GALNTL6: variants seen among roughly 807,000 people sequenced by gnomAD.
GALNTL6 encodes polypeptide N-acetylgalactosaminyltransferase like 6, also known as polypeptide N-acetylgalactosaminyltransferase-like 6.
A neutral mutation model predicts 73.7 loss-of-function variants in GALNTL6; 46 were observed. The ratio of observed to expected loss-of-function variants is 0.62; its 90% CI spans 0.49 to 0.80. The LOEUF is 0.80. Ranked by LOEUF, GALNTL6 falls within the 30% of genes least tolerant of loss-of-function variation. The pLI is 0.00. For missense variants in GALNTL6, 604 were observed against 755.0 expected (o/e 0.80, Z 2.34); for synonymous variants, 259 against 263.7 (o/e 0.98, Z 0.17).
At position 172,096,126 on chromosome 4, in the gene GALNTL6, CAG is replaced by C. The variant is rs112958639; in HGVS notation, c.139-133529_139-133528del. Among the ~76,000 whole-genome samples the C allele has an allele frequency of 3.6e-3, 398 of 109,836 alleles. 3 individuals are homozygous for C. The highest frequency in any genetic ancestry group is 0.012 in the African/African-American group (374 of 31,024). 72.1% of individuals were successfully genotyped at this position (109,836 alleles called of 152,430 possible). A position where few individuals can be genotyped will look rare whatever the true frequency, so the allele number is the denominator to read the frequency against. On this transcript the variant is annotated intron_variant, in intron 2 of 12. Transcript: ENST00000506823. ...TGTGTGTGTATGTGTGTTTAAGAGACAGGGTCTTATTCTGTTGCCCAGGCTGG... is the reference window on the plus strand; with the variant it reads ...TGTGTGTGTATGTGTGTTTAAGAGACGGTCTTATTCTGTTGCCCAGGCTGG...
intron 5 of GALNTL6, among the ~76,000 whole-genome samples, chr4:172,542,467 C>T (rs1735593306): frequency 6.6e-6 from 1 of 152,138 alleles, no homozygotes; most frequent in South Asian, 2.1e-4. Flanking sequence ...AAAGACTTAC[C>T]GAGGACTCCT....
intron 10 of GALNTL6, among the ~76,000 whole-genome samples, chr4:172,975,431 G>A (rs902532618): frequency 6.6e-6 from 1 of 152,320 alleles, no homozygotes; most frequent in Admixed American, 6.5e-5. Flanking sequence ...GGGTTTTTAT[G>A]GACGTCAGAA....
intron 2 of GALNTL6, among the ~76,000 whole-genome samples, chr4:172,228,816 TAAAC>T (rs1023695896): frequency 6.6e-6 from 1 of 152,166 alleles, no homozygotes; most frequent in African/African-American, 2.4e-5. Context: ...TTACCAGAAA[TAAAC>T]ATCATAAAAA....
Position 172,728,038 on chromosome 4 carries a change from G to A in GALNTL6, c.554-81323G>A, listed in dbSNP as rs111495794. Among the ~76,000 whole-genome samples, 1,337 of 151,952 alleles carry A rather than the reference G, an allele frequency of 8.8e-3. 23 individuals are homozygous for A. The highest frequency in any genetic ancestry group is 0.031 in the African/African-American group (1,290 of 41,454). On this transcript the variant is annotated intron_variant, in intron 5 of 12. Transcript: ENST00000506823. The stretch of plus-strand genomic sequence containing the variant: ...AGCGATTCTCCTGCCTCAGCCTCCC[G>A]ACTAGCTGGGACTATAGGCACCTGC...
At chr4:171,883,116 C>T (rs1736500362) in intron 2 of GALNTL6, among the ~76,000 whole-genome samples, 1 of 151,990 alleles carries the variant, frequency 6.6e-6, no homozygotes, top group Non-Finnish European at 1.5e-5. Context: ...TCTGGGAGGC[C>T]AAGGCAGGTA....
intron 8 of GALNTL6, among the ~76,000 whole-genome samples, chr4:172,923,703 AAAAG>A (rs1294270877): frequency 6.6e-6 from 1 of 152,064 alleles, no homozygotes; most frequent in Non-Finnish European, 1.5e-5. Context: ...GGCAAGTTAC[AAAAG>A]AAAGAGGTTT....
intron 5 of GALNTL6, among the ~76,000 whole-genome samples, chr4:172,735,399 A>C (rs541020957): frequency 3.9e-5 from 6 of 152,184 alleles, no homozygotes; most frequent in African/African-American, 1.4e-4. Flanking sequence ...GTTTTGACCA[A>C]TTTCTCTCAT....
At chr4:172,446,193 T>G (rs941811834) in intron 5 of GALNTL6, among the ~76,000 whole-genome samples, 2 of 152,172 alleles carry the variant, frequency 1.3e-5, no homozygotes, top group East Asian at 3.8e-4. Context: ...AAGTAGGTAT[T>G]ACCATCTTAA....
intron 9 of GALNTL6, among the ~76,000 whole-genome samples, chr4:172,950,290 G>A: frequency 6.6e-6 from 1 of 152,314 alleles, no homozygotes; most frequent in Middle Eastern, 3.4e-3. Flanking sequence ...ATGGTAGGGT[G>A]CACAGCAATG....
chr4:172,562,044 A>T (rs931191683), intron 5 of GALNTL6, among the ~76,000 whole-genome samples: 6 of 152,102 alleles, frequency 3.9e-5, no homozygotes, highest in African/African-American at 1.4e-4. Flanking sequence ...ATGAACCTAA[A>T]TTTTTTTATT....
Position 172,204,814 on chromosome 4 carries a change from C to A in GALNTL6, c.139-24842C>A, listed in dbSNP as rs1018193926. ...TAGTCATTGTGCTCCTTTGCCAACT[C>A]ATTAAATAACAAGATCTAGGGATAG... is the stretch of plus-strand genomic sequence containing the variant. On this transcript the variant is annotated intron_variant, in intron 2 of 12. Coordinates refer to ENST00000506823, the MANE Select transcript of GALNTL6 (RefSeq NM_001034845.3). Among the ~76,000 whole-genome samples the A allele has an allele frequency of 2.0e-5, 3 of 152,210 alleles. No individual in the cohort carries two copies. In the South Asian group the frequency reaches 6.2e-4, roughly 32 times the overall value.
intron 3 of GALNTL6, among the ~76,000 whole-genome samples, chr4:172,300,529 T>C (rs959905372): frequency 6.6e-6 from 1 of 152,222 alleles, no homozygotes; most frequent in Admixed American, 6.5e-5. Flanking sequence ...TTTCCATGTT[T>C]AGTGCTTCCT....
In GALNTL6 at chr4:171,895,151, G is replaced by C. The variant is rs1376494238; in HGVS notation, c.138+80433G>C. Among the ~76,000 whole-genome samples the C allele has an allele frequency of 2.6e-5, 4 of 152,322 alleles. No individual in the cohort carries two copies. The East Asian group carries it at 7.7e-4, about 29-fold the overall frequency. On this transcript the variant is annotated intron_variant, in intron 2 of 12. Transcript: ENST00000506823. ...CTAGACATCTTTATAAGTGACAACT[G>C]TAAAATCTGGACACAATATCTTGAA...
chr4:172,077,594 A>C (rs1051417373), intron 2 of GALNTL6, among the ~76,000 whole-genome samples: 1 of 152,140 alleles, frequency 6.6e-6, no homozygotes, highest in Non-Finnish European at 1.5e-5. Context: ...TTTCTAAAAG[A>C]GTATATTTGT....
intron 5 of GALNTL6, among the ~76,000 whole-genome samples, chr4:172,628,672 G>C (rs1366743574): frequency 6.6e-6 from 1 of 152,056 alleles, no homozygotes; most frequent in Non-Finnish European, 1.5e-5. Flanking sequence ...CGTATTGTCA[G>C]TGTCTCTCTG....
intron 2 of GALNTL6, among the ~76,000 whole-genome samples, chr4:172,120,280 C>A (rs542079969): frequency 3.9e-4 from 60 of 152,214 alleles, no homozygotes; most frequent in African/African-American, 1.4e-3. Flanking sequence ...AATTTTTCCT[C>A]TCAAGTGCTG....
chr4:172,381,277 T>C (rs905937063), intron 5 of GALNTL6, among the ~76,000 whole-genome samples: 3 of 152,226 alleles, frequency 2.0e-5, no homozygotes, highest in Admixed American at 2.0e-4. Flanking sequence ...GGTATATAAT[T>C]CACCTAGCAT....
At position 171,948,960 on chromosome 4, in the gene GALNTL6, T is replaced by TACAC. The variant is rs1398964944; in HGVS notation, c.138+134243_138+134244insCACA. On this transcript the variant is annotated intron_variant, in intron 2 of 12. Transcript: ENST00000506823. ...ATGACAGACTCGCAAGCCATATATA[T>TACAC]ATACACACACACACACACACACACA... 2.4e-3 allele frequency among the ~76,000 whole-genome samples: 316 copies of TACAC among 133,184 alleles called. 1 individual carries two copies. Among genetic ancestry groups the TACAC allele is most frequent in the Middle Eastern group, 0.012 (3 of 260 alleles). 87.4% of individuals were successfully genotyped at this position (133,184 alleles called of 152,430 possible). A position where few individuals can be genotyped will look rare whatever the true frequency, so the allele number is the denominator to read the frequency against.
intron 2 of GALNTL6, among the ~76,000 whole-genome samples, chr4:172,228,356 A>G (rs1381756961): frequency 6.6e-6 from 1 of 152,130 alleles, no homozygotes; most frequent in East Asian, 1.9e-4. Context: ...ATTATGAGCA[A>G]CAAATTCTTT....
Sources: gnomAD v4.1 joint callset for allele counts (sites outside exome capture counted in the v4.1 genomes callset) on GRCh38, gnomAD v4.1.1 for gene constraint, MANE v1.5 for transcripts, NCBI Gene and HGNC (gene_info 2026-07-23, HGNC 2026-07-21) for gene names.